Variants in TTLL5 observed in about 807,000 individuals in gnomAD.
TTLL5 encodes tubulin tyrosine ligase like 5.
TTLL5 carries 132 observed loss-of-function variants against 168.4 expected under a neutral mutation model. The ratio of observed to expected loss-of-function variants is 0.78; its 90% CI spans 0.68 to 0.91. The LOEUF (loss-of-function observed/expected upper bound fraction) is 0.91. Among genes scored for constraint, TTLL5 ranks in the 40% least tolerant of loss-of-function variants. TTLL5 has a pLI of 0.00. For synonymous variants in TTLL5, 546 were observed against 558.6 expected (o/e 0.98, Z 0.32); for missense variants, 1,545 against 1,581.5 (o/e 0.98, Z 0.39).
intron 28 of TTLL5, among the ~76,000 whole-genome samples, chr14:75,841,695 C>CT (rs1263054939): frequency 2.6e-5 from 4 of 151,870 alleles, no homozygotes; most frequent in East Asian, 1.9e-4. Context: ...TACATATTTA[C>CT]TTTTTTTTAT....
At chr14:75,688,703 A>G (rs1885241660) in intron 5 of TTLL5, among the ~76,000 whole-genome samples, 1 of 152,186 alleles carries the variant, frequency 6.6e-6, no homozygotes, top group East Asian at 1.9e-4. Flanking sequence ...TTTGAGTTGA[A>G]TTAGAGGACA....
intron 9 of TTLL5, among the ~76,000 whole-genome samples, chr14:75,716,662 A>G (rs890139201): frequency 6.6e-6 from 1 of 151,966 alleles, no homozygotes; most frequent in Non-Finnish European, 1.5e-5. Context: ...GAAGGGTGAT[A>G]TGGTTACAGT....
chr14:75,679,238 G>C (rs746435104), intron 3 of TTLL5, among the ~76,000 whole-genome samples: 1 of 152,212 alleles, frequency 6.6e-6, no homozygotes, highest in Non-Finnish European at 1.5e-5. Context: ...AATCACAAGA[G>C]TTTTTTAAAG....
intron 30 of TTLL5, among the ~76,000 whole-genome samples, chr14:75,900,813 CTCA>C (rs1179368056): frequency 6.6e-6 from 1 of 152,254 alleles, no homozygotes; most frequent in Admixed American, 6.5e-5. Flanking sequence ...GACCACTGTT[CTCA>C]TCATCTAAAC....
intron 12 of TTLL5, among the ~76,000 whole-genome samples, chr14:75,721,441 A>G (rs767759070): frequency 2.4e-4 from 36 of 152,216 alleles, no homozygotes; most frequent in Non-Finnish European, 4.6e-4. Flanking sequence ...AGTAAAATAC[A>G]CTAGGGTCTT....
chr14:75,832,354 A>T (rs1895617149), intron 28 of TTLL5, among the ~76,000 whole-genome samples: 1 of 152,072 alleles, frequency 6.6e-6, no homozygotes, highest in Non-Finnish European at 1.5e-5. Context: ...AGCCTTTCCC[A>T]ATTGCCCCCA....
At chr14:75,776,678 A>T in intron 22 of TTLL5, 69 bp from the exon 23 acceptor site, 2 of 1,119,902 alleles carry the variant, frequency 1.8e-6, no homozygotes, top group Non-Finnish European at 2.6e-6. Flanking sequence ...AAACTACATG[A>T]TGAAGTGCAT....
At chr14:75,747,409 C>A (rs1889682017) in intron 17 of TTLL5, among the ~76,000 whole-genome samples, 2 of 151,956 alleles carry the variant, frequency 1.3e-5, no homozygotes, top group African/African-American at 4.8e-5. Context: ...GACTGGTTTT[C>A]CTCATGTTTA....
intron 3 of TTLL5, among the ~76,000 whole-genome samples, chr14:75,674,528 A>G (rs1883993324): frequency 6.6e-6 from 1 of 152,170 alleles, no homozygotes. Context: ...TTTTTGGTAC[A>G]ATATGATTTC....
chr14:75,794,651 GT>G (rs1892904266), intron 27 of TTLL5, among the ~76,000 whole-genome samples: 1 of 152,144 alleles, frequency 6.6e-6, no homozygotes, highest in African/African-American at 2.4e-5. Context: ...CGAATTAAAA[GT>G]CCATTAGACT....
At chr14:75,912,048 C>T (rs2033409545) in intron 31 of TTLL5, among the ~76,000 whole-genome samples, 1 of 111,232 alleles carries the variant, frequency 9.0e-6, no homozygotes, top group Non-Finnish European at 1.9e-5. Context: ...ACTGGCTGAA[C>T]AGCAGCTCGG....
At chr14:75,922,904 A>G (rs2033879861) in intron 31 of TTLL5, among the ~76,000 whole-genome samples, 1 of 152,178 alleles carries the variant, frequency 6.6e-6, no homozygotes, top group African/African-American at 2.4e-5. Flanking sequence ...CCTCAATTTC[A>G]GAGCCTGTTA....
chr14:75,791,070 C>T (rs917850195), intron 26 of TTLL5, among the ~76,000 whole-genome samples: 2 of 125,566 alleles, frequency 1.6e-5, no homozygotes, highest in Admixed American at 9.9e-5. Context: ...CGCGCCACTG[C>T]GCTTCAGCCT....
intron 6 of TTLL5, among the ~76,000 whole-genome samples, chr14:75,694,188 A>T (rs1404753056): frequency 1.3e-5 from 2 of 152,204 alleles, no homozygotes. Context: ...CTTGCTTCCT[A>T]CCCACACATT....
intron 18 of TTLL5, among the ~76,000 whole-genome samples, chr14:75,756,795 A>G (rs1299552566): frequency 6.6e-6 from 1 of 152,218 alleles, no homozygotes; most frequent in Admixed American, 6.5e-5. Flanking sequence ...GGCATGAGCC[A>G]CTGCCTAGCC....
At position 75,856,834 on chromosome 14, in the gene TTLL5, C is replaced by T. The variant is rs371401336; in HGVS notation, c.3327-6833C>T. Among the ~76,000 whole-genome samples the T allele has an allele frequency of 3.3e-4, 50 of 152,196 alleles. 2 individuals are homozygous for T. The South Asian group carries it at 1.0e-2, about 30-fold the overall frequency. ...TAGAGACATGGTTTCAACATATTGG[C>T]CAGGCTGGTCTCAAACTCCTAACTT... On this transcript the variant is annotated intron_variant, in intron 28 of 31. Coordinates refer to ENST00000298832, the MANE Select transcript of TTLL5 (RefSeq NM_015072.5).
chr14:75,750,216 A>G (rs964214394), intron 17 of TTLL5, among the ~76,000 whole-genome samples: 3 of 152,072 alleles, frequency 2.0e-5, no homozygotes, highest in Non-Finnish European at 4.4e-5. Flanking sequence ...GTCCTTAGGC[A>G]TACAGTAAAG....
intron 31 of TTLL5, among the ~76,000 whole-genome samples, chr14:75,926,375 A>C (rs935002684): frequency 6.6e-6 from 1 of 151,872 alleles, no homozygotes; most frequent in Admixed American, 6.6e-5. Flanking sequence ...TTACGTGTGA[A>C]TTTGATCCTG....
chr14:75,869,699 G>A (rs1400781947), intron 29 of TTLL5, among the ~76,000 whole-genome samples: 1 of 151,976 alleles, frequency 6.6e-6, no homozygotes, highest in Non-Finnish European at 1.5e-5. Context: ...TCAGCCTGCA[G>A]CATCCAAGCT....
Sources: allele counts gnomAD v4.1 joint callset (sites outside exome capture counted in the v4.1 genomes callset), GRCh38; gene constraint gnomAD v4.1.1; transcripts MANE v1.5; gene names NCBI Gene and HGNC (gene_info 2026-07-23, HGNC 2026-07-21).